The following FAM110B variants were observed in gnomAD, a reference collection of about 807,000 sequenced individuals.
The protein encoded by FAM110B is family with sequence similarity 110 member B, also known as protein FAM110B.
In FAM110B, 6 loss-of-function variants were observed where a neutral mutation model predicts 20.4. The observed-to-expected ratio is 0.29, with a 90% CI of 0.16 to 0.58. FAM110B has a LOEUF of 0.58. Ranked by LOEUF, FAM110B falls within the 20% of genes least tolerant of loss-of-function variation. The pLI is 0.90. For missense variants in FAM110B, 434 were observed against 498.2 expected (o/e 0.87, Z 1.23); for synonymous variants, 226 against 214.1 (o/e 1.06, Z -0.49).
intron 1 of FAM110B, among the ~76,000 whole-genome samples, chr8:58,027,420 T>C (rs961331071): frequency 1.4e-5 from 2 of 144,124 alleles, no homozygotes; most frequent in African/African-American, 5.6e-5. Flanking sequence ...ATGGGAACAC[T>C]GAGTTTTTTT....
At chr8:58,021,303 C>T (rs1054405517) in intron 1 of FAM110B, among the ~76,000 whole-genome samples, 3 of 152,066 alleles carry the variant, frequency 2.0e-5, no homozygotes, top group Admixed American at 6.6e-5. Context: ...ATTGGGTCAC[C>T]ACTGGTTACT....
In FAM110B at chr8:58,146,187, C is replaced by T; in HGVS notation, c.-44C>T. The T allele has an allele frequency of 6.4e-7, 1 of 1,551,488 alleles. No individual in the cohort carries two copies. Among genetic ancestry groups the T allele is most frequent in the Non-Finnish European group, 8.7e-7 (1 of 1,147,660 alleles). On this transcript the variant is annotated 5_prime_UTR_variant, in exon 4 of 4. Coordinates refer to ENST00000519262, the MANE Select transcript of FAM110B (RefSeq NM_001377989.1). ...GTCTATTCAGGCCTTGCGGAGGCGC[C>T]CAGAAGAGCATCCAACACGGCTGCC...
At chr8:58,037,910 C>A (rs937863581) in intron 2 of FAM110B, among the ~76,000 whole-genome samples, 1 of 152,120 alleles carries the variant, frequency 6.6e-6, no homozygotes, top group African/African-American at 2.4e-5. Context: ...CTACAGTTAA[C>A]GCTTCATCTC....
intron 3 of FAM110B, among the ~76,000 whole-genome samples, chr8:58,082,004 ACCTAGGCTCTTAGATGCT>A (rs1263868129): frequency 2.6e-5 from 4 of 152,130 alleles, no homozygotes; most frequent in Non-Finnish European, 5.9e-5. Context: ...TCATCAAAGA[ACCTAGGCTCTTAGATGCT>A]CAAGGGGATG....
At chr8:58,057,584 C>G (rs1160995994) in intron 2 of FAM110B, among the ~76,000 whole-genome samples, 1 of 152,204 alleles carries the variant, frequency 6.6e-6, no homozygotes, top group East Asian at 1.9e-4. Flanking sequence ...CCACCCTTTT[C>G]TCTGTCACCA....
chr8:58,138,297 T>C (rs1375797911), intron 3 of FAM110B, among the ~76,000 whole-genome samples: 1 of 152,232 alleles, frequency 6.6e-6, no homozygotes, highest in Non-Finnish European at 1.5e-5. Flanking sequence ...TTGTTTTCTG[T>C]TGGCCTCCTT....
intron 1 of FAM110B, among the ~76,000 whole-genome samples, chr8:58,021,981 C>A (rs1024812534): frequency 1.3e-5 from 2 of 152,072 alleles, no homozygotes; most frequent in African/African-American, 4.8e-5. Context: ...TGCTGGGGAG[C>A]CAGTGTTGAG....
intron 2 of FAM110B, among the ~76,000 whole-genome samples, chr8:58,049,691 G>A (rs1003633074): frequency 6.6e-6 from 1 of 152,184 alleles, no homozygotes; most frequent in Non-Finnish European, 1.5e-5. Flanking sequence ...GACTGTCTGT[G>A]TCTTTCTTAA....
intron 1 of FAM110B, among the ~76,000 whole-genome samples, chr8:58,004,391 A>G (rs891600606): frequency 5.3e-5 from 8 of 152,252 alleles, no homozygotes; most frequent in African/African-American, 1.9e-4. Flanking sequence ...TGCAGCTTCT[A>G]CATCAGCACT....
chr8:58,026,274 T>G (rs1283797052), intron 1 of FAM110B, among the ~76,000 whole-genome samples: 1 of 152,158 alleles, frequency 6.6e-6, no homozygotes, highest in Admixed American at 6.5e-5. Flanking sequence ...TTTGAGCTTC[T>G]ACTGTGAATT....
chr8:58,090,608 A>G (rs898171997), intron 3 of FAM110B, among the ~76,000 whole-genome samples: 8 of 152,250 alleles, frequency 5.3e-5, no homozygotes, highest in East Asian at 1.9e-4. Flanking sequence ...AGGGCAGTCA[A>G]AAGTTCTACT....
At chr8:58,126,884 TA>T (rs1235794250) in intron 3 of FAM110B, among the ~76,000 whole-genome samples, 1 of 152,196 alleles carries the variant, frequency 6.6e-6, no homozygotes, top group Non-Finnish European at 1.5e-5. Flanking sequence ...CCTTCACAGA[TA>T]AAAAGTTTTT....
chr8:58,065,592 G>A (rs1805743493), intron 2 of FAM110B, among the ~76,000 whole-genome samples: 1 of 152,090 alleles, frequency 6.6e-6, no homozygotes, highest in Non-Finnish European at 1.5e-5. Context: ...TTATTAGGTT[G>A]TAATATGTCA....
chr8:58,039,271 CA>C (rs1805152788), intron 2 of FAM110B, among the ~76,000 whole-genome samples: 1 of 152,144 alleles, frequency 6.6e-6, no homozygotes, highest in African/African-American at 2.4e-5. Flanking sequence ...TCTCTTAGAT[CA>C]GCCTTAATTT....
intron 3 of FAM110B, among the ~76,000 whole-genome samples, chr8:58,132,258 C>G (rs542514972): frequency 6.6e-6 from 1 of 152,290 alleles, no homozygotes; most frequent in East Asian, 1.9e-4. Flanking sequence ...TCCTCCAGCA[C>G]AGCAAGTACT....
At chr8:58,011,907 G>A (rs904204196) in intron 1 of FAM110B, among the ~76,000 whole-genome samples, 6 of 152,124 alleles carry the variant, frequency 3.9e-5, no homozygotes, top group East Asian at 1.9e-4. Context: ...AGACCCCCTC[G>A]GAATCACCTT....
intron 3 of FAM110B, among the ~76,000 whole-genome samples, chr8:58,079,668 C>A (rs1014819851): frequency 9.9e-5 from 15 of 151,996 alleles, no homozygotes; most frequent in African/African-American, 3.1e-4. Flanking sequence ...GTAGTTCCAG[C>A]TGCACGGGAG....
intron 1 of FAM110B, among the ~76,000 whole-genome samples, chr8:58,010,302 G>T (rs762020359): frequency 1.3e-5 from 2 of 151,730 alleles, no homozygotes; most frequent in Admixed American, 1.3e-4. Context: ...GATTACAGGT[G>T]TGCGCCACCA....
chr8:58,093,641 G>T (rs1456805382), intron 3 of FAM110B, among the ~76,000 whole-genome samples: 1 of 152,106 alleles, frequency 6.6e-6, no homozygotes, highest in African/African-American at 2.4e-5. Context: ...TGCTGTTTTG[G>T]TTACTGTAGC....
Sources: allele counts gnomAD v4.1 joint callset (sites outside exome capture counted in the v4.1 genomes callset), GRCh38; gene constraint gnomAD v4.1.1; transcripts MANE v1.5; gene names NCBI Gene and HGNC (gene_info 2026-07-23, HGNC 2026-07-21).